The following RPL39L variants were observed in gnomAD, a reference collection of about 807,000 sequenced individuals.
RPL39L encodes the protein ribosomal protein L39 like.
For missense variants in RPL39L, 48 were observed against 58.9 expected, an observed-to-expected ratio of 0.81 and a Z score of 0.61; for synonymous variants, 16 against 20.1, an observed-to-expected ratio of 0.80 and a Z score of 0.55.
chr3:187,134,804 C>G (rs965619420), intron 1 of RPL39L, among the ~76,000 whole-genome samples: 1 of 152,172 alleles, frequency 6.6e-6, no homozygotes, highest in Non-Finnish European at 1.5e-5. Context: ...AGGACAAGAC[C>G]AAGCCTTTCT....
chr3:187,136,771 T>C (rs1720587417), intron 1 of RPL39L, among the ~76,000 whole-genome samples: 1 of 152,212 alleles, frequency 6.6e-6, no homozygotes, highest in Non-Finnish European at 1.5e-5. Context: ...ATAGTTACAA[T>C]TTAAAATTTT....
intron 1 of RPL39L, among the ~76,000 whole-genome samples, chr3:187,131,916 TTGAC>T (rs1720490063): frequency 6.6e-6 from 1 of 152,224 alleles, no homozygotes; most frequent in Admixed American, 6.5e-5. Flanking sequence ...TGTCACTATC[TTGAC>T]TATTTAATAG....
At chr3:187,126,015 C>G (rs1396259471) in intron 2 of RPL39L, among the ~76,000 whole-genome samples, 1 of 152,022 alleles carries the variant, frequency 6.6e-6, no homozygotes, top group Non-Finnish European at 1.5e-5. Flanking sequence ...GGTTAAAGGT[C>G]ATAAAATATT....
At chr3:187,124,444 GATTT>G (rs1327702606) in intron 2 of RPL39L, among the ~76,000 whole-genome samples, 1 of 152,144 alleles carries the variant, frequency 6.6e-6, no homozygotes, top group Non-Finnish European at 1.5e-5. Context: ...AGGCTCATGA[GATTT>G]ATTAAATCTC....
Position 187,132,382 on chromosome 3 carries a change from AAAGTAT to A in RPL39L, c.-92-4326_-92-4321del, listed in dbSNP as rs538775286. ...TGAAAGATGCTCAGTTTCTGGGGGT[AAAGTAT>A]AAGTCTGGTGCTGGTTGAATGCTGA... On this transcript the variant is annotated intron_variant, in intron 1 of 2. Transcript: ENST00000296277. Among the ~76,000 whole-genome samples, 33 of 152,364 alleles carry A rather than the reference AAAGTAT, an allele frequency of 2.2e-4. 2 individuals carry two copies. The South Asian group carries it at 6.8e-3, about 32-fold the overall frequency.
intron 1 of RPL39L, among the ~76,000 whole-genome samples, chr3:187,134,190 G>A (rs1432030029): frequency 1.3e-5 from 2 of 151,860 alleles, no homozygotes; most frequent in Non-Finnish European, 1.5e-5. Context: ...AATTTCAGCA[G>A]AGAAAAAAAA....
chr3:187,124,180 T>C (rs968459433), intron 2 of RPL39L, among the ~76,000 whole-genome samples: 3 of 152,136 alleles, frequency 2.0e-5, no homozygotes, highest in Non-Finnish European at 4.4e-5. Context: ...CTCAAGAAAA[T>C]ATTGAATTAC....
At chr3:187,128,192 G>A (rs1720429505) in intron 1 of RPL39L, 130 bp from the exon 2 acceptor site, 1 of 152,144 alleles carries the variant, frequency 6.6e-6, no homozygotes, top group South Asian at 2.1e-4. Context: ...GAGAAAATAT[G>A]GGAAGTCTTT....
At chr3:187,128,990 C>A (rs906589361) in intron 1 of RPL39L, among the ~76,000 whole-genome samples, 23 of 152,236 alleles carry the variant, frequency 1.5e-4, no homozygotes, top group African/African-American at 5.3e-4. Context: ...CCATCCCTTA[C>A]AACGTCCTCT....
chr3:187,121,571 A>C (rs1357399445), intron 2 of RPL39L, among the ~76,000 whole-genome samples: 2 of 152,112 alleles, frequency 1.3e-5, no homozygotes, highest in Non-Finnish European at 2.9e-5. Context: ...ACTGTTCCTG[A>C]CTTGATGCTA....
In RPL39L at chr3:187,130,110, G is replaced by A. The variant is rs116815145; in HGVS notation, c.-92-2048C>T. ...CAAGACAGCCCTTGCCAAATGCTTT[G>A]AATATTCTTGTTGACTGTCCTGTCT... On this transcript the variant is annotated intron_variant, in intron 1 of 2. Coordinates refer to ENST00000296277, the MANE Select transcript of RPL39L (RefSeq NM_052969.3). Among the ~76,000 whole-genome samples the A allele has an allele frequency of 3.7e-3, 570 of 152,228 alleles. 2 individuals are homozygous for A. The highest frequency in any genetic ancestry group is 0.013 in the African/African-American group (535 of 41,530).
rs953397061 is a variant in RPL39L, at chr3:187,139,454, G to C, written c.-334C>G. On this transcript the variant is annotated 5_prime_UTR_variant, in exon 1 of 3. Transcript: ENST00000296277. ...GGCGTTCGGAGGCGGTTGCCTCGCT[G>C]GGCGCAGCAATTCAACCGCCGCGCG... is the stretch of plus-strand genomic sequence containing the variant. 1 of 152,154 alleles carries C rather than the reference G, an allele frequency of 6.6e-6. No individual in the cohort carries two copies. Among genetic ancestry groups the C allele is most frequent in the Non-Finnish European group, 1.5e-5 (1 of 68,038 alleles). The allele number at this position is 152,154 out of a possible 1,614,324, so 9.4% of individuals were successfully genotyped here. A position where few individuals can be genotyped will look rare whatever the true frequency, so the allele number is the denominator to read the frequency against.
intron 1 of RPL39L, among the ~76,000 whole-genome samples, chr3:187,138,746 T>C (rs1477840817): frequency 6.6e-6 from 1 of 152,004 alleles, no homozygotes; most frequent in Admixed American, 6.6e-5. Context: ...AAACAGGGGG[T>C]GCCTGAGTGG....
At chr3:187,121,505 G>A (rs1720309510) in intron 2 of RPL39L, among the ~76,000 whole-genome samples, 177 bp from the exon 3 acceptor site, 1 of 152,182 alleles carries the variant, frequency 6.6e-6, no homozygotes, top group Admixed American at 6.5e-5. Flanking sequence ...GCGGTCTGAG[G>A]AGTCTGATGG....
intron 2 of RPL39L, among the ~76,000 whole-genome samples, chr3:187,126,427 G>C (rs967981518): frequency 6.6e-6 from 1 of 152,012 alleles, no homozygotes; most frequent in African/African-American, 2.4e-5. Flanking sequence ...GCCTCCCAAA[G>C]TGCTGGGATT....
At chr3:187,137,535 G>A (rs888418371) in intron 1 of RPL39L, among the ~76,000 whole-genome samples, 4 of 151,084 alleles carry the variant, frequency 2.6e-5, no homozygotes, top group East Asian at 3.9e-4. Context: ...AAAATTGGCC[G>A]GGTGCGGTGG....
intron 1 of RPL39L, among the ~76,000 whole-genome samples, chr3:187,130,378 A>G (rs550717382): frequency 2.3e-4 from 35 of 152,292 alleles, no homozygotes; most frequent in African/African-American, 7.9e-4. Flanking sequence ...GTAATCCCCA[A>G]TGCTGGAGGT....
chr3:187,126,183 T>C (rs1488542396), intron 2 of RPL39L, among the ~76,000 whole-genome samples: 1 of 151,296 alleles, frequency 6.6e-6, no homozygotes, highest in African/African-American at 2.4e-5. Context: ...TTTTTTGAGA[T>C]GGAGTTTCAC....
intron 1 of RPL39L, among the ~76,000 whole-genome samples, chr3:187,129,760 A>C (rs2108468965): frequency 6.6e-6 from 1 of 152,194 alleles, no homozygotes; most frequent in South Asian, 2.1e-4. Flanking sequence ...AAACCAATCT[A>C]TAAAATTGCT....
Sources: allele counts gnomAD v4.1 joint callset (sites outside exome capture counted in the v4.1 genomes callset), GRCh38; gene constraint gnomAD v4.1.1; transcripts MANE v1.5; gene names NCBI Gene and HGNC (gene_info 2026-07-23, HGNC 2026-07-21).